The following PILRA variants were observed in gnomAD, a reference collection of about 807,000 sequenced individuals.
PILRA encodes the protein paired immunoglobin like type 2 receptor alpha, also known as paired immunoglobulin-like type 2 receptor alpha.
PILRA carries 37 observed loss-of-function variants against 33.1 expected under a neutral mutation model. That is an observed-to-expected ratio of 1.12 (90% CI 0.86 to 1.47). The LOEUF is 1.47. PILRA is among the 40% of genes most tolerant of loss of function. The pLI is 0.00. For synonymous variants in PILRA, 146 were observed against 149.9 expected (o/e 0.97, Z 0.19); for missense variants, 312 against 376.2 (o/e 0.83, Z 1.41).
At chr7:100,384,072 G>A (rs1045499155) in intron 2 of PILRA, among the ~76,000 whole-genome samples, 1 of 152,138 alleles carries the variant, frequency 6.6e-6, no homozygotes, top group Non-Finnish European at 1.5e-5. Context: ...CGAGGTGAGA[G>A]TTGGCTGATA....
rs746777581 is a variant in PILRA at position 100,399,599 on chromosome 7, A to C, written c.776A>C (p.Lys259Thr). ...IRNEGQNTDP[K>T]LNPKDDGIVY... ...TTCTTAGGACAAAATACAGATCCCAAGCTAAATCCCAAGGTAAGCAATCAG... is the reference window on the plus strand; with the variant it reads ...TTCTTAGGACAAAATACAGATCCCACGCTAAATCCCAAGGTAAGCAATCAG... The change falls in exon 6 of 7, where the codon AAG (lysine) becomes ACG (threonine). Residue 259 changes from lysine to threonine, a missense_variant. Lys to Thr is a moderately conservative substitution (Grantham distance 78). Coordinates refer to ENST00000198536, the MANE Select transcript of PILRA (RefSeq NM_013439.3). The C allele has an allele frequency of 6.2e-7, 1 of 1,614,140 alleles. No individual in the cohort carries two copies. Among genetic ancestry groups the C allele is most frequent in the South Asian group, 1.1e-5 (1 of 91,078 alleles).
chr7:100,377,028 T>C (rs1790967051), intron 2 of PILRA, among the ~76,000 whole-genome samples: 1 of 151,914 alleles, frequency 6.6e-6, no homozygotes, highest in East Asian at 1.9e-4. Flanking sequence ...CCTCCCAAAG[T>C]GCTAGGATAC....
intron 2 of PILRA, among the ~76,000 whole-genome samples, chr7:100,376,759 G>GC (rs1358072834): frequency 8.7e-6 from 1 of 114,528 alleles, no homozygotes; most frequent in Non-Finnish European, 1.8e-5. Flanking sequence ...ACCTTGCTCT[G>GC]CCTTTTTTTT....
intron 3 of PILRA, among the ~76,000 whole-genome samples, chr7:100,396,980 T>C (rs898171263): frequency 1.1e-4 from 16 of 151,596 alleles, no homozygotes; most frequent in Admixed American, 9.9e-4. Context: ...GTTTTGTTTG[T>C]TTTTTTGTTT....
chr7:100,389,653 G>GA (rs1791337374), intron 2 of PILRA, among the ~76,000 whole-genome samples: 1 of 151,330 alleles, frequency 6.6e-6, no homozygotes, highest in Admixed American at 6.6e-5. Flanking sequence ...AGAGAGGAAG[G>GA]AAAGGAAAGG....
In PILRA at chr7:100,399,803, G is replaced by C; in HGVS notation, c.808G>C (p.Ala270Pro). The C allele has an allele frequency of 6.2e-7, 1 of 1,611,736 alleles. No individual in the cohort carries two copies. The highest frequency in any genetic ancestry group is 8.5e-7 in the Non-Finnish European group (1 of 1,178,758). ...CGCCCAGGATGACGGCATCGTCTAT[G>C]CTTCCCTTGCCCTCTCCAGCTCCAC... ...LNPKDDGIVY[A>P]SLALSSSTSP... Residue 270 changes from alanine to proline, a missense_variant, in exon 7 of 7, where the codon GCT becomes CCT. Ala to Pro is a conservative substitution (Grantham distance 27). Coordinates refer to ENST00000198536, the MANE Select transcript of PILRA (RefSeq NM_013439.3).
intron 2 of PILRA, among the ~76,000 whole-genome samples, chr7:100,380,584 C>T (rs2130177717): frequency 6.6e-6 from 1 of 152,156 alleles, no homozygotes; most frequent in Non-Finnish European, 1.5e-5. Flanking sequence ...TTATTTGAGG[C>T]CAGGAGTTCA....
intron 2 of PILRA, among the ~76,000 whole-genome samples, chr7:100,375,455 G>C (rs1790922168): frequency 6.6e-6 from 1 of 152,200 alleles, no homozygotes; most frequent in South Asian, 2.1e-4. Flanking sequence ...GTGAGGGATG[G>C]GCATGGTGGC....
intron 2 of PILRA, among the ~76,000 whole-genome samples, chr7:100,386,398 G>A (rs1791252368): frequency 6.6e-6 from 1 of 152,102 alleles, no homozygotes; most frequent in Non-Finnish European, 1.5e-5. Context: ...CAACTATTTG[G>A]GAGGCTGAGA....
intron 2 of PILRA, among the ~76,000 whole-genome samples, chr7:100,375,912 A>G (rs78473784): frequency 0.017 from 2,661 of 152,316 alleles, 83 homozygotes; most frequent in African/African-American, 0.057. Context: ...TTTATTCAGA[A>G]AGGGCGTCGG....
At chr7:100,385,223 G>A (rs1791228203) in intron 2 of PILRA, among the ~76,000 whole-genome samples, 1 of 152,220 alleles carries the variant, frequency 6.6e-6, no homozygotes, top group African/African-American at 2.4e-5. Flanking sequence ...AGTTGGAAGG[G>A]AGTGAGGAGG....
At chr7:100,397,587 C>A (rs1272446261) in intron 3 of PILRA, among the ~76,000 whole-genome samples, 1 of 151,690 alleles carries the variant, frequency 6.6e-6, no homozygotes. Flanking sequence ...GAGGGCTCAG[C>A]GGTGGAGGGA....
chr7:100,385,696 C>T (rs947377401), intron 2 of PILRA, among the ~76,000 whole-genome samples: 2 of 152,102 alleles, frequency 1.3e-5, no homozygotes, highest in Non-Finnish European at 2.9e-5. Flanking sequence ...ATGACATGAT[C>T]TTGGCTCACT....
intron 3 of PILRA, among the ~76,000 whole-genome samples, chr7:100,394,470 G>A (rs565023465): frequency 8.7e-4 from 132 of 151,702 alleles, no homozygotes; most frequent in African/African-American, 3.1e-3. Context: ...TCAACAGCAC[G>A]GCAAAAGAAT....
intron 2 of PILRA, among the ~76,000 whole-genome samples, chr7:100,377,903 A>G (rs1790991836): frequency 6.6e-6 from 1 of 152,120 alleles, no homozygotes; most frequent in Non-Finnish European, 1.5e-5. Flanking sequence ...TTTTAAAATT[A>G]TTTTTGTAGA....
At position 100,384,541 on chromosome 7, in the gene PILRA, G is replaced by GA. The variant is rs773338223; in HGVS notation, c.455-5346dup. ...CTCCTGAGTAGCTAGGACTGCAGGG[G>GA]AGCACTACCACACCTGGCTAATTTT... On this transcript the variant is annotated intron_variant, in intron 2 of 6. Transcript: ENST00000198536. Among the ~76,000 whole-genome samples, 38 of 151,654 alleles carry GA rather than the reference G, an allele frequency of 2.5e-4. 1 individual carries two copies. Among genetic ancestry groups the GA allele is most frequent in the Non-Finnish European group, 5.0e-4 (34 of 67,900 alleles).
intron 2 of PILRA, among the ~76,000 whole-genome samples, chr7:100,380,695 A>G (rs1463011586): frequency 1.3e-5 from 2 of 152,134 alleles, no homozygotes; most frequent in Non-Finnish European, 2.9e-5. Context: ...GCCTGTCGTG[A>G]TAGTTCACGT....
At chr7:100,382,660 CT>C (rs1009552953) in intron 2 of PILRA, among the ~76,000 whole-genome samples, 1 of 152,236 alleles carries the variant, frequency 6.6e-6, no homozygotes, top group Non-Finnish European at 1.5e-5. Context: ...GGCTGCCCCC[CT>C]GAGCAGTATC....
In PILRA at chr7:100,399,224, A is replaced by C. The variant is rs561426433; in HGVS notation, c.708-67A>C. On this transcript the variant is annotated intron_variant, in intron 4 of 6. Coordinates refer to ENST00000198536, the MANE Select transcript of PILRA (RefSeq NM_013439.3). ...CCAAAGTGCTGGGATTACAGGTGCC[A>C]CCACCCAGCCCATGTCTTAAAATGC... 293 of 1,167,938 alleles carry C rather than the reference A, an allele frequency of 2.5e-4. No individual in the cohort carries two copies. In the African/African-American group the frequency reaches 4.0e-3, roughly 16 times the overall value. 72.3% of individuals were successfully genotyped at this position (1,167,938 alleles called of 1,614,324 possible).
Sources: gnomAD v4.1 joint callset for allele counts (sites outside exome capture counted in the v4.1 genomes callset) on GRCh38, gnomAD v4.1.1 for gene constraint, MANE v1.5 for transcripts, NCBI Gene and HGNC (gene_info 2026-07-23, HGNC 2026-07-21) for gene names.